Variants in TRIM71 observed in about 807,000 individuals in gnomAD.
TRIM71 encodes tripartite motif containing 71, also known as E3 ubiquitin-protein ligase TRIM71.
TRIM71 carries 9 observed loss-of-function variants against 61.2 expected under a neutral mutation model. That is an observed-to-expected ratio of 0.15 (90% CI 0.09 to 0.26). TRIM71 has a LOEUF of 0.26. TRIM71 is among the 10% of genes least tolerant of loss of function. The pLI is 1.00. For synonymous variants in TRIM71, 645 were observed against 553.2 expected (o/e 1.17, Z -2.33); for missense variants, 998 against 1,238.7 (o/e 0.81, Z 2.92).
chr3:32,830,416 G>A (rs1208850589), intron 1 of TRIM71, among the ~76,000 whole-genome samples: 1 of 152,206 alleles, frequency 6.6e-6, no homozygotes, highest in East Asian at 1.9e-4. Flanking sequence ...TTTAGCAAGG[G>A]AGAAAGCTTT....
chr3:32,845,710 G>A (rs1271534229), intron 1 of TRIM71, among the ~76,000 whole-genome samples: 2 of 89,152 alleles, frequency 2.2e-5, no homozygotes, highest in Non-Finnish European at 4.5e-5. Context: ...CCTAGGCCAA[G>A]TTTGGATCTT....
chr3:32,874,063 G>A (rs1696826352), intron 2 of TRIM71, 78 bp downstream of exon 2: 2 of 1,463,892 alleles, frequency 1.4e-6, no homozygotes, highest in African/African-American at 2.8e-5. Context: ...ACAGACAATT[G>A]GGCAGATTCC....
chr3:32,834,827 C>T (rs944813038), intron 1 of TRIM71, among the ~76,000 whole-genome samples: 7 of 152,022 alleles, frequency 4.6e-5, no homozygotes, highest in Admixed American at 1.3e-4. Context: ...GGTGACAGAG[C>T]GAGACTCCAT....
Position 32,866,928 on chromosome 3 carries a change from G to T in TRIM71, c.853-6890G>T, listed in dbSNP as rs138585392. Among the ~76,000 whole-genome samples, 292 of 152,210 alleles carry T rather than the reference G, an allele frequency of 1.9e-3. 1 individual carries two copies. The highest frequency in any genetic ancestry group is 3.4e-3 in the Middle Eastern group (1 of 294). ...AGAAGGGAGCATGGTGTGGTTTTTG[G>T]AGTCACATAAAAACTTAAAGTGAAC... On this transcript the variant is annotated intron_variant, in intron 1 of 3. Coordinates refer to ENST00000383763, the MANE Select transcript of TRIM71 (RefSeq NM_001039111.3).
intron 1 of TRIM71, among the ~76,000 whole-genome samples, chr3:32,844,388 A>C (rs1239193251): frequency 6.6e-6 from 1 of 152,180 alleles, no homozygotes; most frequent in African/African-American, 2.4e-5. Flanking sequence ...ATTGTCAGTC[A>C]TAACTTCACT....
rs181331012 is a variant in TRIM71 at position 32,824,214 on chromosome 3, G to C, written c.852+5282G>C. Among the ~76,000 whole-genome samples, 698 of 152,152 alleles carry C rather than the reference G, an allele frequency of 4.6e-3. 8 individuals are homozygous for C. Among genetic ancestry groups the C allele is most frequent in the Non-Finnish European group, 4.9e-3 (332 of 68,006 alleles). ...TTTTCTGAGATGGAGTTTCACTCTT[G>C]TTATCCAGGCTGGAGTGCGGTGGTG... On this transcript the variant is annotated intron_variant, in intron 1 of 3. Coordinates refer to ENST00000383763, the MANE Select transcript of TRIM71 (RefSeq NM_001039111.3).
At chr3:32,886,126 C>T in intron 3 of TRIM71, 58 bp downstream of exon 3, 3 of 1,563,008 alleles carry the variant, frequency 1.9e-6, no homozygotes, top group Non-Finnish European at 2.6e-6. Flanking sequence ...TGAACCTCAG[C>T]AGCACTCTAC....
chr3:32,850,487 C>G (rs977972734), intron 1 of TRIM71, among the ~76,000 whole-genome samples: 2 of 152,104 alleles, frequency 1.3e-5, no homozygotes, highest in African/African-American at 4.8e-5. Flanking sequence ...ATACTCCGTC[C>G]TCCATTAATG....
In TRIM71 at chr3:32,895,353, T is replaced by C. The variant is rs141569430; in HGVS notation, c.*3542T>C. On this transcript the variant is annotated 3_prime_UTR_variant, in exon 4 of 4. Coordinates refer to ENST00000383763, the MANE Select transcript of TRIM71 (RefSeq NM_001039111.3). ...GTTGGGCCAAAAATGTTGCCAGAAC[T>C]GAGGCACTTTGTGATGGAGTTGCAA... The C allele has an allele frequency of 3.6e-4, 55 of 152,358 alleles. No homozygotes were observed. The highest frequency in any genetic ancestry group is 1.3e-3 in the African/African-American group (54 of 41,590). 9.4% of individuals were successfully genotyped at this position (152,358 alleles called of 1,614,324 possible).
At chr3:32,835,234 A>G (rs1219811574) in intron 1 of TRIM71, among the ~76,000 whole-genome samples, 1 of 152,216 alleles carries the variant, frequency 6.6e-6, no homozygotes, top group Non-Finnish European at 1.5e-5. Context: ...CATGTGTAAC[A>G]TGATGGGGGG....
At chr3:32,831,953 A>C (rs566281835) in intron 1 of TRIM71, among the ~76,000 whole-genome samples, 1 of 152,188 alleles carries the variant, frequency 6.6e-6, no homozygotes, top group Non-Finnish European at 1.5e-5. Context: ...ATTTGCCATC[A>C]AAATATTTGA....
chr3:32,840,515 G>A (rs13075951), intron 1 of TRIM71, among the ~76,000 whole-genome samples: 48,523 of 152,064 alleles, frequency 0.32, 9,370 homozygotes, highest in East Asian at 0.61. Flanking sequence ...ACAAAGCCCC[G>A]AAATTGCCTT....
rs192548224 is a variant in TRIM71, at chr3:32,866,165, T to G, written c.853-7653T>G. On this transcript the variant is annotated intron_variant, in intron 1 of 3. Transcript: ENST00000383763. ...AACATGATGCTTCCAGGATTTTTGT[T>G]TTTTTTTTGGAGATGGATTACAGGC... Among the ~76,000 whole-genome samples, 377 of 151,114 alleles carry G rather than the reference T, an allele frequency of 2.5e-3. 1 individual carries two copies. Among genetic ancestry groups the G allele is most frequent in the Middle Eastern group, 0.017 (5 of 292 alleles).
intron 2 of TRIM71, 57 bp downstream of exon 2, chr3:32,874,042 G>A (rs766098251): frequency 4.9e-5 from 75 of 1,526,526 alleles, no homozygotes; most frequent in Admixed American, 3.1e-4. Context: ...CCTTTCTGTC[G>A]GGTGGCATGG....
At chr3:32,842,966 T>A (rs935502562) in intron 1 of TRIM71, among the ~76,000 whole-genome samples, 6 of 151,858 alleles carry the variant, frequency 4.0e-5, no homozygotes, top group African/African-American at 1.5e-4. Context: ...TCTTAGGTGC[T>A]TAATAAATGC....
chr3:32,871,436 C>T (rs1043843189), intron 1 of TRIM71, among the ~76,000 whole-genome samples: 1 of 152,176 alleles, frequency 6.6e-6, no homozygotes, highest in Non-Finnish European at 1.5e-5. Context: ...GGTTTGGTGG[C>T]ATGTTTTATT....
chr3:32,894,120 T>C lies in TRIM71; in HGVS notation c.*2309T>C, dbSNP rs1468852058. 1 of 152,232 alleles carries C rather than the reference T, an allele frequency of 6.6e-6. No individual in the cohort carries two copies. The highest frequency in any genetic ancestry group is 1.5e-5 in the Non-Finnish European group (1 of 68,042). 9.4% of individuals were successfully genotyped at this position (152,232 alleles called of 1,614,324 possible). A position where few individuals can be genotyped will look rare whatever the true frequency, so the allele number is the denominator to read the frequency against. ...ATAATTAAACATTTTTACTGTTTTC[T>C]ATTTTGGAGTAACTTGGTGCTGATC... On this transcript the variant is annotated 3_prime_UTR_variant, in exon 4 of 4. Transcript: ENST00000383763.
chr3:32,824,598 CTG>C (rs1428700390), intron 1 of TRIM71, among the ~76,000 whole-genome samples: 4 of 152,124 alleles, frequency 2.6e-5, no homozygotes, highest in African/African-American at 9.7e-5. Flanking sequence ...ATCCTCCTGC[CTG>C]TGTCTCTCAA....
intron 1 of TRIM71, among the ~76,000 whole-genome samples, chr3:32,824,919 C>T (rs1275177909): frequency 9.2e-5 from 14 of 152,262 alleles, no homozygotes; most frequent in African/African-American, 3.4e-4. Flanking sequence ...CTCAGCCTCC[C>T]AAGTAGCTGG....
Sources: allele counts gnomAD v4.1 joint callset (sites outside exome capture counted in the v4.1 genomes callset), GRCh38; gene constraint gnomAD v4.1.1; transcripts MANE v1.5; gene names NCBI Gene and HGNC (gene_info 2026-07-23, HGNC 2026-07-21).